Variants in WWOX observed in about 807,000 individuals in gnomAD.
WWOX encodes WW domain containing oxidoreductase.
A neutral mutation model predicts 46.2 loss-of-function variants in WWOX; 69 were observed. The ratio of observed to expected loss-of-function variants is 1.49; its 90% CI spans 1.23 to 1.82. WWOX has a LOEUF of 1.82. WWOX is among the 40% of genes most tolerant of loss of function. WWOX has a pLI of 0.00. For missense variants in WWOX, 919 were observed against 542.6 expected (o/e 1.69, Z -6.89); for synonymous variants, 359 against 202.6 (o/e 1.77, Z -6.56).
At chr16:78,107,557 G>T (rs2032228138) in intron 1 of WWOX, among the ~76,000 whole-genome samples, 2 of 152,264 alleles carry the variant, frequency 1.3e-5, no homozygotes, top group Middle Eastern at 6.8e-3. Flanking sequence ...TTGACCAAAG[G>T]TGCACAGCGC....
chr16:78,198,733 A>G (rs1276651081), intron 5 of WWOX, among the ~76,000 whole-genome samples: 3 of 152,032 alleles, frequency 2.0e-5, no homozygotes, highest in African/African-American at 7.3e-5. Context: ...TCCTCCCATT[A>G]TGTTTGTAAC....
intron 8 of WWOX, among the ~76,000 whole-genome samples, chr16:78,762,973 C>T (rs1015898239): frequency 2.6e-5 from 4 of 152,158 alleles, no homozygotes; most frequent in East Asian, 3.9e-4. Flanking sequence ...GGAAGATTTT[C>T]CTGGTGGGGG....
intron 8 of WWOX, among the ~76,000 whole-genome samples, chr16:78,989,862 G>T (rs1231318456): frequency 1.1e-4 from 17 of 149,484 alleles, no homozygotes; most frequent in South Asian, 2.1e-4. Context: ...GTGTGATTGA[G>T]AGAGAGAGAG....
At chr16:78,866,747 C>G (rs1017204841) in intron 8 of WWOX, among the ~76,000 whole-genome samples, 6 of 152,170 alleles carry the variant, frequency 3.9e-5, no homozygotes, top group Non-Finnish European at 7.4e-5. Context: ...TGCACTGTTT[C>G]CAGCCACGGG....
At chr16:78,685,335 T>A (rs1426163990) in intron 8 of WWOX, among the ~76,000 whole-genome samples, 1 of 152,168 alleles carries the variant, frequency 6.6e-6, no homozygotes, top group Non-Finnish European at 1.5e-5. Flanking sequence ...ATAACTTTCA[T>A]TCTGTGATTT....
intron 5 of WWOX, among the ~76,000 whole-genome samples, chr16:78,245,158 T>G (rs1450154077): frequency 1.3e-5 from 2 of 152,242 alleles, no homozygotes; most frequent in African/African-American, 2.4e-5. Flanking sequence ...GATAATAGTT[T>G]CTTTTCTCTC....
chr16:78,414,261 A>C (rs529266300), intron 6 of WWOX, among the ~76,000 whole-genome samples: 4 of 152,228 alleles, frequency 2.6e-5, no homozygotes, highest in South Asian at 4.1e-4. Context: ...GTCTGCCTGC[A>C]CTCAGGTGAT....
intron 8 of WWOX, among the ~76,000 whole-genome samples, chr16:78,876,910 A>G (rs1415909764): frequency 6.6e-6 from 1 of 152,198 alleles, no homozygotes; most frequent in African/African-American, 2.4e-5. Flanking sequence ...CCTACAGGAA[A>G]TCTTGTAACT....
intron 7 of WWOX, among the ~76,000 whole-genome samples, chr16:78,429,927 AG>A (rs2083177800): frequency 6.6e-6 from 1 of 152,198 alleles, no homozygotes; most frequent in African/African-American, 2.4e-5. Flanking sequence ...CTCATAAAAA[AG>A]CCCACCATTA....
intron 5 of WWOX, 130 bp from the exon 6 acceptor site, chr16:78,386,730 A>G (rs899728069): frequency 6.8e-6 from 5 of 734,978 alleles, no homozygotes; most frequent in Non-Finnish European, 4.5e-6. Context: ...CCGATGATTT[A>G]TATTCTCTCT....
chr16:78,988,999 TTC>T (rs1389156731), intron 8 of WWOX, among the ~76,000 whole-genome samples: 1 of 152,184 alleles, frequency 6.6e-6, no homozygotes, highest in African/African-American at 2.4e-5. Context: ...ACAACCTGAG[TTC>T]TCTGTTAAAA....
At chr16:78,634,447 C>T (rs2046514734) in intron 8 of WWOX, among the ~76,000 whole-genome samples, 3 of 152,150 alleles carry the variant, frequency 2.0e-5, no homozygotes, top group African/African-American at 7.2e-5. Context: ...GTGGCTCATG[C>T]CTGTAATCCC....
At chr16:79,044,411 C>T (rs1017886693) in intron 8 of WWOX, among the ~76,000 whole-genome samples, 1 of 152,114 alleles carries the variant, frequency 6.6e-6, no homozygotes, top group Admixed American at 6.6e-5. Context: ...TTACCACCAT[C>T]CTCTTGGTAC....
chr16:78,371,866 G>C (rs1299236147), intron 5 of WWOX, among the ~76,000 whole-genome samples: 1 of 152,000 alleles, frequency 6.6e-6, no homozygotes, highest in African/African-American at 2.4e-5. Context: ...GGTAGGCAAG[G>C]ATAGCTGCTA....
At chr16:78,400,429 C>T (rs1035197686) in intron 6 of WWOX, among the ~76,000 whole-genome samples, 6 of 152,122 alleles carry the variant, frequency 3.9e-5, no homozygotes, top group Non-Finnish European at 5.9e-5. Flanking sequence ...AGCTGGGAAT[C>T]GAACACTGCA....
At chr16:78,625,835 C>T (rs930813800) in intron 8 of WWOX, among the ~76,000 whole-genome samples, 7 of 144,546 alleles carry the variant, frequency 4.8e-5, no homozygotes, top group South Asian at 2.2e-4. Context: ...ATGGCAATTG[C>T]GGTTTTTGCC....
intron 8 of WWOX, among the ~76,000 whole-genome samples, chr16:78,601,872 C>G (rs545663478): frequency 6.6e-6 from 1 of 152,212 alleles, no homozygotes; most frequent in Admixed American, 6.5e-5. Flanking sequence ...TTTTTCAGCC[C>G]TGTTTTAAGT....
chr16:78,445,620 T>C (rs1229944268), intron 8 of WWOX, among the ~76,000 whole-genome samples: 1 of 152,068 alleles, frequency 6.6e-6, no homozygotes, highest in Non-Finnish European at 1.5e-5. Context: ...ACAAAACAAA[T>C]AGGCAAACAG....
chr16:78,740,758 C>G (rs1019691200), intron 8 of WWOX, among the ~76,000 whole-genome samples: 4 of 152,092 alleles, frequency 2.6e-5, no homozygotes, highest in Admixed American at 6.6e-5. Flanking sequence ...CAGGTCCACC[C>G]TGGTGGATAT....
Sources: allele counts gnomAD v4.1 joint callset (sites outside exome capture counted in the v4.1 genomes callset), GRCh38; gene constraint gnomAD v4.1.1; transcripts MANE v1.5; gene names NCBI Gene and HGNC (gene_info 2026-07-23, HGNC 2026-07-21).